PTPRD: variants seen among roughly 807,000 people sequenced by gnomAD.
The protein encoded by PTPRD is protein tyrosine phosphatase receptor type D, also known as receptor-type tyrosine-protein phosphatase delta.
Under a neutral mutation model 214.5 loss-of-function variants are expected in PTPRD, and 34 were observed. That is an observed-to-expected ratio of 0.16 (90% confidence interval 0.12 to 0.21). The LOEUF is 0.21. Among genes scored for constraint, PTPRD ranks in the 10% least tolerant of loss-of-function variants. The probability of loss-of-function intolerance (pLI) is 1.00; values close to 1 mark genes in which losing one functional copy is unlikely to be tolerated. For synonymous variants in PTPRD, 1,128 were observed against 845.7 expected (o/e 1.33, Z -5.79); for missense variants, 2,545 against 2,398.7 (o/e 1.06, Z -1.27).
chr9:9,541,831 A>C (rs2077650259), intron 8 of PTPRD, among the ~76,000 whole-genome samples: 2 of 151,802 alleles, frequency 1.3e-5, no homozygotes, highest in African/African-American at 2.4e-5. Flanking sequence ...GTGAGGTAAT[A>C]ACTATGGTGT....
At chr9:9,311,970 C>G (rs75583450) in intron 9 of PTPRD, among the ~76,000 whole-genome samples, 134 of 152,258 alleles carry the variant, frequency 8.8e-4, no homozygotes, top group South Asian at 2.9e-3. Flanking sequence ...ATAAATTATG[C>G]TAAATGTAGC....
At chr9:10,347,075 TC>T (rs1450572173) in intron 2 of PTPRD, among the ~76,000 whole-genome samples, 1 of 152,012 alleles carries the variant, frequency 6.6e-6, no homozygotes, top group East Asian at 1.9e-4. Flanking sequence ...AAGGCACACC[TC>T]CCCTCCTAAC....
chr9:10,394,868 C>T (rs936280802), intron 2 of PTPRD, among the ~76,000 whole-genome samples: 1 of 151,350 alleles, frequency 6.6e-6, no homozygotes, highest in Non-Finnish European at 1.5e-5. Context: ...ATGGTCATTC[C>T]AAAGATAATG....
chr9:10,013,185 A>G (rs1036261951), intron 4 of PTPRD, among the ~76,000 whole-genome samples: 1 of 151,918 alleles, frequency 6.6e-6, no homozygotes, highest in African/African-American at 2.4e-5. Context: ...GTAAAAGAAT[A>G]AAAGCCTTCA....
At chr9:9,438,078 C>T (rs1791806369) in intron 8 of PTPRD, among the ~76,000 whole-genome samples, 1 of 152,190 alleles carries the variant, frequency 6.6e-6, no homozygotes, top group South Asian at 2.1e-4. Context: ...GTGTGCTTCT[C>T]TCTGTATCCT....
intron 7 of PTPRD, among the ~76,000 whole-genome samples, chr9:9,665,130 G>C (rs1021228801): frequency 1.3e-5 from 2 of 151,620 alleles, no homozygotes; most frequent in East Asian, 3.9e-4. Context: ...TGGGGAGAGA[G>C]AGAGGGGTGA....
intron 8 of PTPRD, among the ~76,000 whole-genome samples, chr9:9,419,244 A>G (rs1473252282): frequency 8.4e-6 from 1 of 118,656 alleles, no homozygotes; most frequent in Non-Finnish European, 1.8e-5. Flanking sequence ...TGGAAAATGA[A>G]GACAGTCTCA....
intron 3 of PTPRD, among the ~76,000 whole-genome samples, chr9:10,166,779 G>A (rs780202170): frequency 1.3e-5 from 2 of 152,044 alleles, no homozygotes; most frequent in African/African-American, 2.4e-5. Flanking sequence ...AGATGATAAG[G>A]CATCAAGTTT....
chr9:9,382,469 C>T (rs1259248216), intron 9 of PTPRD, among the ~76,000 whole-genome samples: 1 of 152,042 alleles, frequency 6.6e-6, no homozygotes, highest in African/African-American at 2.4e-5. Context: ...GAATCTCCTA[C>T]AACTAAATAG....
At chr9:9,494,503 C>A (rs1182906868) in intron 8 of PTPRD, among the ~76,000 whole-genome samples, 1 of 152,152 alleles carries the variant, frequency 6.6e-6, no homozygotes, top group Non-Finnish European at 1.5e-5. Context: ...AGGCAAGAGC[C>A]TCCACCGGCA....
intron 5 of PTPRD, among the ~76,000 whole-genome samples, chr9:9,776,635 G>GA (rs34460558): frequency 5.3e-5 from 8 of 151,490 alleles, no homozygotes; most frequent in Non-Finnish European, 8.8e-5. Flanking sequence ...TAGCTAACAA[G>GA]AAAAAAAAGA....
intron 9 of PTPRD, among the ~76,000 whole-genome samples, chr9:9,359,765 G>A (rs954938506): frequency 1.1e-4 from 17 of 151,202 alleles, no homozygotes; most frequent in African/African-American, 3.9e-4. Flanking sequence ...ATCTGACTTC[G>A]TTTGATTTTC....
At chr9:9,983,074 A>C (rs1445825000) in intron 4 of PTPRD, among the ~76,000 whole-genome samples, 1 of 137,756 alleles carries the variant, frequency 7.3e-6, no homozygotes, top group Admixed American at 7.3e-5. Flanking sequence ...AAAAAAAAAA[A>C]ACTTTATTAC....
chr9:8,713,137 A>T (rs1259059537), intron 12 of PTPRD, among the ~76,000 whole-genome samples: 1 of 152,172 alleles, frequency 6.6e-6, no homozygotes, highest in Admixed American at 6.5e-5. Flanking sequence ...AAACAACAAC[A>T]ACGATAACAA....
At chr9:10,101,372 G>C (rs2098550320) in intron 3 of PTPRD, among the ~76,000 whole-genome samples, 1 of 151,724 alleles carries the variant, frequency 6.6e-6, no homozygotes, top group African/African-American at 2.4e-5. Context: ...CAATATGACA[G>C]TCCTTTCACT....
intron 2 of PTPRD, among the ~76,000 whole-genome samples, chr9:10,534,754 A>G (rs570178315): frequency 2.0e-5 from 3 of 152,162 alleles, no homozygotes; most frequent in Admixed American, 6.6e-5. Flanking sequence ...TCTATTAATC[A>G]TCTGCATTTC....
In PTPRD at chr9:9,919,171, C is replaced by A. The variant is rs1272508639; in HGVS notation, c.-368+19336G>T. Among the ~76,000 whole-genome samples the A allele has an allele frequency of 7.2e-5, 11 of 151,994 alleles. No individual in the cohort carries two copies. The South Asian group carries it at 2.3e-3, about 32-fold the overall frequency. The stretch of plus-strand genomic sequence containing the variant: ...TTATTTAAATTTTAGGGTGTTTTTG[C>A]TCCTAATTTTTTGTTACTCTACTTT... On this transcript the variant is annotated intron_variant, in intron 5 of 45. Transcript: ENST00000381196.
At chr9:9,567,131 A>G (rs1425273745) in intron 8 of PTPRD, among the ~76,000 whole-genome samples, 1 of 152,060 alleles carries the variant, frequency 6.6e-6, no homozygotes, top group Non-Finnish European at 1.5e-5. Flanking sequence ...GAAATACTGC[A>G]TAAGGAGTGT....
At chr9:9,595,298 ATATATATATATATT>A (rs1563935936) in intron 7 of PTPRD, among the ~76,000 whole-genome samples, 1 of 136,150 alleles carries the variant, frequency 7.3e-6, no homozygotes, top group Non-Finnish European at 1.5e-5. Context: ...TTATATATAT[ATATATATATATATT>A]ATATATATTT....
Sources: gnomAD v4.1 joint callset for allele counts (sites outside exome capture counted in the v4.1 genomes callset) on GRCh38, gnomAD v4.1.1 for gene constraint, MANE v1.5 for transcripts, NCBI Gene and HGNC (gene_info 2026-07-23, HGNC 2026-07-21) for gene names.